CAMTA1: variants seen among roughly 807,000 people sequenced by gnomAD.
The protein encoded by CAMTA1 is calmodulin-binding transcription activator 1.
In CAMTA1, 27 loss-of-function variants were observed where a neutral mutation model predicts 170.9. The observed-to-expected ratio is 0.16, with a 90% confidence interval of 0.12 to 0.22. The LOEUF (loss-of-function observed/expected upper bound fraction) is 0.22. Ranked by LOEUF, CAMTA1 falls within the 10% of genes least tolerant of loss-of-function variation. CAMTA1 has a pLI of 1.00. For synonymous variants in CAMTA1, 833 were observed against 891.5 expected (o/e 0.93, Z 1.17); for missense variants, 1,619 against 2,217.2 (o/e 0.73, Z 5.42).
At chr1:6,925,588 A>G (rs1682933951) in intron 3 of CAMTA1, among the ~76,000 whole-genome samples, 1 of 151,852 alleles carries the variant, frequency 6.6e-6, no homozygotes, top group South Asian at 2.1e-4. Context: ...TGTAGCCTGG[A>G]GGTAGCTGAG....
intron 6 of CAMTA1, among the ~76,000 whole-genome samples, chr1:7,519,069 A>G (rs907936666): frequency 2.0e-5 from 3 of 152,054 alleles, no homozygotes; most frequent in Non-Finnish European, 4.4e-5. Context: ...CCAGATGGAA[A>G]GGGAAAAGGA....
intron 3 of CAMTA1, among the ~76,000 whole-genome samples, chr1:6,849,482 A>T (rs1459261802): frequency 1.3e-5 from 2 of 152,152 alleles, no homozygotes; most frequent in African/African-American, 4.8e-5. Flanking sequence ...AATTGAGCCT[A>T]CAAAGGAGAC....
intron 4 of CAMTA1, among the ~76,000 whole-genome samples, chr1:7,123,580 G>A (rs570437116): frequency 2.6e-5 from 4 of 152,166 alleles, no homozygotes; most frequent in East Asian, 1.9e-4. Context: ...CTCACCGCTC[G>A]CCTTCACCCA....
At chr1:6,908,381 G>C (rs186507686) in intron 3 of CAMTA1, among the ~76,000 whole-genome samples, 6 of 152,326 alleles carry the variant, frequency 3.9e-5, no homozygotes, top group Admixed American at 3.9e-4. Flanking sequence ...TTATCTCCTG[G>C]CTCTGGAAAT....
intron 3 of CAMTA1, among the ~76,000 whole-genome samples, chr1:6,891,784 T>C (rs966670924): frequency 1.3e-5 from 2 of 152,204 alleles, no homozygotes; most frequent in African/African-American, 4.8e-5. Context: ...TTAGCATTAG[T>C]ATATGAAAAA....
intron 19 of CAMTA1, 57 bp from the exon 20 acceptor site, chr1:7,751,142 G>A (rs922909500): frequency 5.8e-6 from 8 of 1,370,146 alleles, no homozygotes; most frequent in Admixed American, 2.1e-5. Flanking sequence ...CTCGAAGGAC[G>A]CTGAGCCCGT....
chr1:7,154,160 T>C (rs552299569), intron 4 of CAMTA1, among the ~76,000 whole-genome samples: 4 of 152,274 alleles, frequency 2.6e-5, no homozygotes, highest in Admixed American at 6.5e-5. Flanking sequence ...AGACAGCAGA[T>C]CAAAATACAG....
chr1:6,920,484 A>T (rs1180744830), intron 3 of CAMTA1, among the ~76,000 whole-genome samples: 1 of 152,144 alleles, frequency 6.6e-6, no homozygotes, highest in Non-Finnish European at 1.5e-5. Context: ...TGGATCTGCC[A>T]TTCTGGGGTG....
Position 7,665,576 on chromosome 1 carries a change from G to A in CAMTA1, c.2652+377G>A, listed in dbSNP as rs1163468855. Among the ~76,000 whole-genome samples the A allele has an allele frequency of 6.6e-6, 1 of 152,168 alleles. No homozygotes were observed. The highest frequency in any genetic ancestry group is 2.4e-5 in the African/African-American group (1 of 41,436). ...AAAATATTAAAAAAATAAGCCAGGTGTGGTGGGGCCTGCCTATGGTCCCAG... is the reference window on the plus strand; with the variant it reads ...AAAATATTAAAAAAATAAGCCAGGTATGGTGGGGCCTGCCTATGGTCCCAG... On this transcript the variant is annotated intron_variant, in intron 9 of 22. Coordinates refer to ENST00000303635, the MANE Select transcript of CAMTA1 (RefSeq NM_015215.4). This position sits in a 1 kb window ranked among gnomAD's most constrained non-coding sequence, Gnocchi z 4.3.
At position 7,626,520 on chromosome 1, in the gene CAMTA1, G is replaced by A. The variant is rs78373860; in HGVS notation, c.511-13880G>A. 5.9e-3 allele frequency among the ~76,000 whole-genome samples: 904 copies of A among 152,326 alleles called. 1 individual carries two copies. Among genetic ancestry groups the A allele is most frequent in the Non-Finnish European group, 9.5e-3 (643 of 68,030 alleles). ...AAGGTTGTGAAGAAGTTTGCTGGCC[G>A]GGAAGCAGCCTTGTTCTGAATGCCA... On this transcript the variant is annotated intron_variant, in intron 6 of 22. Coordinates refer to ENST00000303635, the MANE Select transcript of CAMTA1 (RefSeq NM_015215.4).
intron 11 of CAMTA1, among the ~76,000 whole-genome samples, chr1:7,731,571 CAAAA>C (rs536530455): frequency 4.6e-5 from 4 of 87,002 alleles, no homozygotes; most frequent in Admixed American, 1.3e-4. Flanking sequence ...CACTCTGTCT[CAAAA>C]AAAAAAAAAA....
intron 6 of CAMTA1, among the ~76,000 whole-genome samples, chr1:7,525,079 T>C (rs2094415301): frequency 6.6e-6 from 1 of 152,104 alleles, no homozygotes; most frequent in African/African-American, 2.4e-5. Context: ...CGCCCCCGCG[T>C]CGGCCCCCGT....
intron 4 of CAMTA1, among the ~76,000 whole-genome samples, chr1:7,161,300 G>T (rs1484863150): frequency 6.6e-6 from 1 of 152,094 alleles, no homozygotes; most frequent in Non-Finnish European, 1.5e-5. Context: ...ACCCTGCACA[G>T]TTAGCTCCTG....
intron 6 of CAMTA1, among the ~76,000 whole-genome samples, chr1:7,567,639 T>A (rs552604029): frequency 4.6e-5 from 7 of 152,330 alleles, no homozygotes; most frequent in African/African-American, 1.7e-4. Flanking sequence ...TATCCACATG[T>A]GAATCACCCA....
intron 5 of CAMTA1, among the ~76,000 whole-genome samples, chr1:7,419,024 C>T (rs1014457503): frequency 1.3e-5 from 2 of 152,248 alleles, no homozygotes; most frequent in African/African-American, 4.8e-5. Flanking sequence ...AAAGCCCAGT[C>T]ACTGCGGCCT....
rs57970990 is a variant in CAMTA1 at position 7,277,456 on chromosome 1, GGT to G, written c.438+27865_438+27866del. Among the ~76,000 whole-genome samples the G allele has an allele frequency of 9.9e-3, 1,343 of 135,280 alleles. 18 individuals carry two copies. Among genetic ancestry groups the G allele is most frequent in the African/African-American group, 0.031 (1,079 of 35,022 alleles). 88.7% of individuals were successfully genotyped at this position (135,280 alleles called of 152,430 possible). A position where few individuals can be genotyped will look rare whatever the true frequency, so the allele number is the denominator to read the frequency against. On this transcript the variant is annotated intron_variant, in intron 5 of 22. Transcript: ENST00000303635. ...AACTAAATTAATCTTTCCAAGCAAT[GGT>G]GTGTGTGTGTGTGTGTGTGTGTGTG...
At chr1:7,462,437 G>A (rs370087752) in intron 5 of CAMTA1, among the ~76,000 whole-genome samples, 26 of 152,194 alleles carry the variant, frequency 1.7e-4, no homozygotes, top group East Asian at 1.5e-3. Context: ...GCTAATTTTT[G>A]TATTTTTAGT....
At chr1:7,380,951 CTG>C (rs2087253265) in intron 5 of CAMTA1, among the ~76,000 whole-genome samples, 1 of 152,126 alleles carries the variant, frequency 6.6e-6, no homozygotes, top group African/African-American at 2.4e-5. Flanking sequence ...GAGCCAGACT[CTG>C]TGCCAAGGGT....
At chr1:7,610,143 G>A (rs1051758208) in intron 6 of CAMTA1, among the ~76,000 whole-genome samples, 4 of 152,186 alleles carry the variant, frequency 2.6e-5, no homozygotes, top group East Asian at 1.9e-4. Context: ...ACACACACAC[G>A]TGCTCACATG....
Sources: gnomAD v4.1 joint callset for allele counts (sites outside exome capture counted in the v4.1 genomes callset) on GRCh38, gnomAD v4.1.1 for gene constraint, Gnocchi (gnomAD v3.1) non-coding constraint, MANE v1.5 for transcripts, NCBI Gene and HGNC (gene_info 2026-07-23, HGNC 2026-07-21) for gene names.